Variants in NEK5 observed in about 807,000 individuals in gnomAD.
NEK5 encodes NIMA related kinase 5, also known as serine/threonine-protein kinase Nek5.
Under a neutral mutation model 109.2 loss-of-function variants are expected in NEK5, and 88 were observed. The ratio of observed to expected loss-of-function variants is 0.81; its 90% CI spans 0.68 to 0.96. The LOEUF (loss-of-function observed/expected upper bound fraction) is 0.96, where lower values mean the gene tolerates loss of function less well. Among genes scored for constraint, NEK5 ranks in the 40% least tolerant of loss-of-function variants. The probability of loss-of-function intolerance (pLI) is 0.00; values close to 1 mark genes in which losing one functional copy is unlikely to be tolerated. For synonymous variants in NEK5, 283 were observed against 299.9 expected, an observed-to-expected ratio of 0.94 and a Z score of 0.58; for missense variants, 834 against 920.7, an observed-to-expected ratio of 0.91 and a Z score of 1.22.
intron 22 of NEK5, among the ~76,000 whole-genome samples, chr13:52,054,481 T>C (rs1263951247): frequency 2.0e-5 from 3 of 152,152 alleles, no homozygotes; most frequent in African/African-American, 7.2e-5. Context: ...CCTGGCCAGG[T>C]AGAAGTTTTA....
At chr13:52,053,663 C>T (rs1213873999) in intron 22 of NEK5, among the ~76,000 whole-genome samples, 1 of 152,034 alleles carries the variant, frequency 6.6e-6, no homozygotes, top group Non-Finnish European at 1.5e-5. Context: ...CAGACAAGCC[C>T]GAGATGGTAC....
At chr13:52,071,840 G>A in intron 20 of NEK5, 104 bp downstream of exon 20, 1 of 980,536 alleles carries the variant, frequency 1.0e-6, no homozygotes, top group Non-Finnish European at 1.6e-6. Flanking sequence ...GGCAGAAAGG[G>A]GTCAAGTAAC....
At chr13:52,079,633 G>A (rs556185840) in intron 17 of NEK5, among the ~76,000 whole-genome samples, 11 of 152,410 alleles carry the variant, frequency 7.2e-5, no homozygotes, top group Admixed American at 4.6e-4. Flanking sequence ...GCGCAGTGGC[G>A]TGATCTCGGC....
intron 22 of NEK5, among the ~76,000 whole-genome samples, chr13:52,056,025 C>A (rs1000187552): frequency 6.6e-6 from 1 of 151,952 alleles, no homozygotes; most frequent in African/African-American, 2.4e-5. Context: ...GAGTCAAGAC[C>A]CATCAGTGTG....
At chr13:52,109,787 T>C (rs2897965) in intron 7 of NEK5, among the ~76,000 whole-genome samples, 85,257 of 151,946 alleles carry the variant, frequency 0.56, 25,819 homozygotes, top group Non-Finnish European at 0.68. Context: ...GTTTTTAATC[T>C]ACCTATGACC....
intron 23 of NEK5, among the ~76,000 whole-genome samples, chr13:52,044,325 A>C (rs1954438940): frequency 6.6e-6 from 1 of 152,186 alleles, no homozygotes; most frequent in Non-Finnish European, 1.5e-5. Context: ...CTAGTACACC[A>C]ACCATACAAC....
intron 22 of NEK5, among the ~76,000 whole-genome samples, 180 bp downstream of exon 22, chr13:52,061,639 A>C (rs1326626741): frequency 1.3e-5 from 2 of 152,318 alleles, no homozygotes; most frequent in Admixed American, 6.5e-5. Context: ...TGGAAAGCTC[A>C]TGTCTTTTGT....
chr13:52,106,939 G>A (rs1223690215), intron 8 of NEK5, among the ~76,000 whole-genome samples: 2 of 152,050 alleles, frequency 1.3e-5, no homozygotes, highest in Non-Finnish European at 2.9e-5. Context: ...GTTAGCAACT[G>A]AGCCAAGACT....
chr13:52,081,627 C>CCTA (rs1247101734), intron 17 of NEK5, among the ~76,000 whole-genome samples: 1 of 152,146 alleles, frequency 6.6e-6, no homozygotes, highest in Non-Finnish European at 1.5e-5. Context: ...AATAATCATT[C>CCTA]CTACTCACAC....
At chr13:52,087,923 C>A in intron 14 of NEK5, among the ~76,000 whole-genome samples, 1 of 144,642 alleles carries the variant, frequency 6.9e-6, no homozygotes, top group East Asian at 2.1e-4. Context: ...TCAAGCCCAG[C>A]CTTTCTTTTT....
intron 23 of NEK5, among the ~76,000 whole-genome samples, chr13:52,045,130 C>CTTT (rs374051509): frequency 0.012 from 1,265 of 108,698 alleles, 63 homozygotes; most frequent in African/African-American, 0.039. Context: ...AATAAAAAAT[C>CTTT]TTTTTTTTTT....
At chr13:52,087,909 G>A (rs1955187203) in intron 14 of NEK5, among the ~76,000 whole-genome samples, 1 of 146,426 alleles carries the variant, frequency 6.8e-6, no homozygotes, top group Non-Finnish European at 1.5e-5. Context: ...ACAGGCATGA[G>A]CCATCAAGCC....
rs1485845929 is a variant in NEK5, at chr13:52,058,782, T to C, written c.2110+3037A>G. Among the ~76,000 whole-genome samples the C allele has an allele frequency of 3.9e-3, 593 of 152,208 alleles. 1 individual carries two copies. Among genetic ancestry groups the C allele is most frequent in the Middle Eastern group, 0.014 (4 of 294 alleles). On this transcript the variant is annotated intron_variant, in intron 22 of 23. Transcript: ENST00000684899. ...AAGCTGAAACTGGATCCCTTCCTTA[T>C]ACCTTATACAAAAATCAATTCAAGA...
intron 17 of NEK5, among the ~76,000 whole-genome samples, chr13:52,079,373 C>T (rs920971656): frequency 6.7e-6 from 1 of 149,776 alleles, no homozygotes; most frequent in East Asian, 2.0e-4. Context: ...TGTACTGCTG[C>T]CATCTCGGCT....
intron 20 of NEK5, among the ~76,000 whole-genome samples, chr13:52,069,023 CAACA>C (rs1462450031): frequency 2.6e-5 from 4 of 151,508 alleles, no homozygotes; most frequent in African/African-American, 9.7e-5. Context: ...TATGAATGGT[CAACA>C]AACATACGGA....
chr13:52,037,652 G>A (rs528973042), intron 23 of NEK5, among the ~76,000 whole-genome samples: 3 of 152,130 alleles, frequency 2.0e-5, no homozygotes, highest in African/African-American at 4.8e-5. Context: ...GGCCGGGCGC[G>A]GTGGCTCACG....
intron 1 of NEK5, 137 bp from the exon 2 acceptor site, chr13:52,127,799 C>G (rs968819376): frequency 3.9e-6 from 1 of 255,164 alleles, no homozygotes; most frequent in Non-Finnish European, 7.4e-6. Flanking sequence ...ATAACAATAC[C>G]TGTTTTGCAA....
rs535050642 is a variant in NEK5, at chr13:52,127,666, A to C, written c.-90-4T>G. Reference sequence around the variant, plus strand: ...CTTTCTTTGTGGCCACAGATAACTGAAATGAGACAGAGTTTCTTGGTCAGA... The same window carrying C: ...CTTTCTTTGTGGCCACAGATAACTGCAATGAGACAGAGTTTCTTGGTCAGA... On this transcript the variant is annotated splice_region_variant and splice_polypyrimidine_tract_variant and intron_variant, in intron 1 of 23. Coordinates refer to ENST00000684899, the MANE Select transcript of NEK5 (RefSeq NM_001365552.1). 6 of 543,834 alleles carry C rather than the reference A, an allele frequency of 1.1e-5. No individual in the cohort carries two copies. Among genetic ancestry groups the C allele is most frequent in the African/African-American group, 9.6e-5 (5 of 52,096 alleles). The allele number at this position is 543,834 out of a possible 1,614,324, so 33.7% of individuals were successfully genotyped here. A position where few individuals can be genotyped will look rare whatever the true frequency, so the allele number is the denominator to read the frequency against.
chr13:52,117,964 G>C (rs562499152), intron 4 of NEK5, among the ~76,000 whole-genome samples: 11 of 152,270 alleles, frequency 7.2e-5, no homozygotes, highest in African/African-American at 2.6e-4. Flanking sequence ...TTTATTCAGT[G>C]GCTTTCCTTG....
Sources: allele counts gnomAD v4.1 joint callset (sites outside exome capture counted in the v4.1 genomes callset), GRCh38; gene constraint gnomAD v4.1.1; transcripts MANE v1.5; gene names NCBI Gene and HGNC (gene_info 2026-07-23, HGNC 2026-07-21).